CSMD2: variants seen among roughly 807,000 people sequenced by gnomAD.
CSMD2 encodes the protein CUB and sushi domain-containing protein 2.
A neutral mutation model predicts 398.5 loss-of-function variants in CSMD2; 130 were observed. The observed-to-expected ratio is 0.33, with a 90% CI of 0.28 to 0.38. The LOEUF is 0.38. Ranked by LOEUF, CSMD2 falls within the 10% of genes least tolerant of loss-of-function variation. The pLI, the probability that CSMD2 is intolerant of heterozygous loss-of-function variation, is 1.00. For missense variants in CSMD2, 3,829 were observed against 4,764.9 expected (o/e 0.80, Z 5.78); for synonymous variants, 1,828 against 1,908.5 (o/e 0.96, Z 1.10).
intron 65 of CSMD2, among the ~76,000 whole-genome samples, chr1:33,525,668 A>C (rs1251963614): frequency 2.0e-5 from 3 of 152,192 alleles, no homozygotes. Flanking sequence ...TGTATTGTAC[A>C]TTTCAAAATT....
chr1:34,020,462 G>A (rs559137877), intron 3 of CSMD2, among the ~76,000 whole-genome samples: 11 of 152,260 alleles, frequency 7.2e-5, no homozygotes, highest in South Asian at 2.1e-4. Flanking sequence ...CAGCAACAAC[G>A]CCCTGAGCAA....
At chr1:33,937,625 C>A (rs761564149) in intron 3 of CSMD2, among the ~76,000 whole-genome samples, 12 of 152,236 alleles carry the variant, frequency 7.9e-5, no homozygotes, top group Non-Finnish European at 1.5e-4. Context: ...CTCTCTTCCT[C>A]CTCTGAGAGG....
At chr1:33,729,411 G>A (rs181425720) in intron 15 of CSMD2, among the ~76,000 whole-genome samples, 39 of 148,910 alleles carry the variant, frequency 2.6e-4, no homozygotes, top group Admixed American at 6.0e-4. Flanking sequence ...TCTTCATATT[G>A]CAGAGTGGTA....
At chr1:33,817,120 A>G (rs1298769890) in intron 9 of CSMD2, among the ~76,000 whole-genome samples, 4 of 152,174 alleles carry the variant, frequency 2.6e-5, no homozygotes, top group African/African-American at 9.7e-5. Context: ...AAAATATTTT[A>G]AAATAAAAAC....
chr1:33,812,707 T>C (rs988281092), intron 9 of CSMD2, among the ~76,000 whole-genome samples: 3 of 152,178 alleles, frequency 2.0e-5, no homozygotes, highest in Non-Finnish European at 2.9e-5. Flanking sequence ...TACCACCTCA[T>C]TGAGATATGG....
chr1:33,792,536 G>C lies in CSMD2; in HGVS notation c.1447-10C>G. 2 of 1,595,916 alleles carry C rather than the reference G, an allele frequency of 1.3e-6. No individual in the cohort carries two copies. Among genetic ancestry groups the C allele is most frequent in the Non-Finnish European group, 1.7e-6 (2 of 1,163,508 alleles). On this transcript the variant is annotated splice_polypyrimidine_tract_variant and intron_variant, in intron 10 of 70. Coordinates refer to ENST00000373381, the MANE Select transcript of CSMD2 (RefSeq NM_001281956.2). ...AGGCGAGCTTGATCACCTAGGGAGG[G>C]AACACAGGGTTAGGAGCAGGCAGGG...
intron 2 of CSMD2, among the ~76,000 whole-genome samples, chr1:34,039,877 G>C (rs1444578000): frequency 1.3e-5 from 2 of 152,176 alleles, no homozygotes; most frequent in African/African-American, 2.4e-5. Flanking sequence ...TAGAGGCCAG[G>C]CATAGTGGCT....
chr1:33,754,034 A>G (rs1329085631), intron 13 of CSMD2, among the ~76,000 whole-genome samples: 1 of 152,214 alleles, frequency 6.6e-6, no homozygotes, highest in Non-Finnish European at 1.5e-5. Flanking sequence ...TTTTGGGTTC[A>G]TGCTGGAATA....
intron 25 of CSMD2, among the ~76,000 whole-genome samples, chr1:33,674,907 C>G (rs1027497299): frequency 6.6e-6 from 1 of 152,086 alleles, no homozygotes; most frequent in African/African-American, 2.4e-5. Flanking sequence ...TCTTTGAAAC[C>G]AATGAGAACA....
At position 33,877,319 on chromosome 1, in the gene CSMD2, C is replaced by T. The variant is rs79477079; in HGVS notation, c.921-30323G>A. ...GTCAGGATTCCTGGGCCCAATGGCTCGTTAACAGAGGTCCTGTGTGCCATC... is the reference window on the plus strand; with the variant it reads ...GTCAGGATTCCTGGGCCCAATGGCTTGTTAACAGAGGTCCTGTGTGCCATC... On this transcript the variant is annotated intron_variant, in intron 5 of 70. Coordinates refer to ENST00000373381, the MANE Select transcript of CSMD2 (RefSeq NM_001281956.2). Among the ~76,000 whole-genome samples, 4 of 152,266 alleles carry T rather than the reference C, an allele frequency of 2.6e-5. No individual in the cohort carries two copies. The East Asian group carries it at 5.8e-4, about 22-fold the overall frequency.
intron 12 of CSMD2, among the ~76,000 whole-genome samples, chr1:33,776,763 G>A (rs1652036277): frequency 6.6e-6 from 1 of 151,982 alleles, no homozygotes; most frequent in Non-Finnish European, 1.5e-5. Context: ...AATGGCCAAA[G>A]TGTTATCCAA....
At position 33,999,821 on chromosome 1, in the gene CSMD2, A is replaced by C. The variant is rs541697510; in HGVS notation, c.517+32773T>G. ...ATTCATCATAGCCTTGTTTATACTC[A>C]AAAAAAAGAAGAAGAAAAGGAAATA... On this transcript the variant is annotated intron_variant, in intron 3 of 70. Coordinates refer to ENST00000373381, the MANE Select transcript of CSMD2 (RefSeq NM_001281956.2). Among the ~76,000 whole-genome samples the C allele has an allele frequency of 5.2e-3, 791 of 152,166 alleles. 4 individuals are homozygous for C. Among genetic ancestry groups the C allele is most frequent in the Non-Finnish European group, 7.8e-3 (528 of 67,984 alleles).
In CSMD2 at chr1:33,753,701, A is replaced by G. The variant is rs572901529; in HGVS notation, c.1847-10095T>C. Among the ~76,000 whole-genome samples, 20 of 152,386 alleles carry G rather than the reference A, an allele frequency of 1.3e-4. No homozygotes were observed. The East Asian group carries it at 1.4e-3, about 10-fold the overall frequency. On this transcript the variant is annotated intron_variant, in intron 13 of 70. Transcript: ENST00000373381. The stretch of plus-strand genomic sequence containing the variant: ...TCAAGTCCAACTCATGAGAGCAGCC[A>G]CAAGGACTGCACTCTGCAAAGCTAC...
At chr1:33,573,886 C>A (rs947262430) in intron 49 of CSMD2, among the ~76,000 whole-genome samples, 1 of 152,100 alleles carries the variant, frequency 6.6e-6, no homozygotes, top group Non-Finnish European at 1.5e-5. Flanking sequence ...CAGAGACACA[C>A]AGGCATTCCT....
intron 38 of CSMD2, 116 bp downstream of exon 38, chr1:33,617,383 G>A (rs929911782): frequency 8.1e-6 from 6 of 742,720 alleles, no homozygotes; most frequent in South Asian, 3.3e-5. Context: ...AATGGTACCC[G>A]GGGGACCTGG....
intron 49 of CSMD2, among the ~76,000 whole-genome samples, chr1:33,574,846 G>T (rs1188418698): frequency 2.0e-5 from 3 of 152,228 alleles, no homozygotes; most frequent in Admixed American, 2.0e-4. Context: ...GGTTAGCTAA[G>T]CTGTCATATT....
chr1:33,819,240 G>A (rs986276603), intron 9 of CSMD2, among the ~76,000 whole-genome samples: 4 of 152,198 alleles, frequency 2.6e-5, no homozygotes, highest in Non-Finnish European at 5.9e-5. Context: ...CAGATAGGGG[G>A]TTAGAAGCAT....
In CSMD2 at chr1:33,646,730, A is replaced by G; in HGVS notation, c.4692T>C (p.Ile1564=). The change falls in exon 29 of 71, where the codon ATT becomes ATC. Residue 1564 remains isoleucine, a synonymous_variant. Coordinates refer to ENST00000373381, the MANE Select transcript of CSMD2 (RefSeq NM_001281956.2). ...SFYGSQLPGR[I]ESSSNSLFLA... Reference sequence around the variant, plus strand: ...GGAAGAGGCTGTTGCTGCTGCTTTCAATGCGGCCTGGGAGCTGGGAGCCAT... The same window carrying G: ...GGAAGAGGCTGTTGCTGCTGCTTTCGATGCGGCCTGGGAGCTGGGAGCCAT... 1 of 1,614,202 alleles carries G rather than the reference A, an allele frequency of 6.2e-7. No individual in the cohort carries two copies. Among genetic ancestry groups the G allele is most frequent in the South Asian group, 1.1e-5 (1 of 91,080 alleles).
chr1:33,918,541 G>A lies in CSMD2; in HGVS notation c.713-240C>T, dbSNP rs553264290. Reference sequence around the variant, plus strand: ...GTAGGAGTTCACTAGATGGAGAAGAGGGGGAAGGACATTTCAGGGAAGAAG... The same window carrying A: ...GTAGGAGTTCACTAGATGGAGAAGAAGGGGAAGGACATTTCAGGGAAGAAG... On this transcript the variant is annotated intron_variant, in intron 4 of 70. Transcript: ENST00000373381. 2.6e-5 allele frequency among the ~76,000 whole-genome samples: 4 copies of A among 152,306 alleles called. No homozygotes were observed. In the East Asian group the frequency reaches 7.7e-4, roughly 29 times the overall value.
Sources: gnomAD v4.1 joint callset for allele counts (sites outside exome capture counted in the v4.1 genomes callset) on GRCh38, gnomAD v4.1.1 for gene constraint, MANE v1.5 for transcripts, NCBI Gene and HGNC (gene_info 2026-07-23, HGNC 2026-07-21) for gene names.